Variants in SHISA9 observed in about 807,000 individuals in gnomAD.
SHISA9 encodes the protein shisa family member 9.
SHISA9 carries 13 observed loss-of-function variants against 38.0 expected under a neutral mutation model. The observed-to-expected ratio is 0.34, with a 90% CI of 0.22 to 0.54. The LOEUF (loss-of-function observed/expected upper bound fraction) is 0.54. SHISA9 is among the 20% of genes least tolerant of loss of function. SHISA9 has a pLI of 0.91. For synonymous variants in SHISA9, 275 were observed against 242.0 expected, an observed-to-expected ratio of 1.14 and a Z score of -1.27; for missense variants, 538 against 575.8, an observed-to-expected ratio of 0.93 and a Z score of 0.67.
intron 2 of SHISA9, among the ~76,000 whole-genome samples, chr16:13,011,091 T>G (rs865907596): frequency 4.6e-5 from 7 of 152,192 alleles, no homozygotes; most frequent in African/African-American, 1.7e-4. Context: ...CCAGAGAGAC[T>G]AAGAGCCTGT....
intron 2 of SHISA9, among the ~76,000 whole-genome samples, chr16:13,151,774 T>G (rs1223958418): frequency 6.6e-6 from 1 of 152,188 alleles, no homozygotes; most frequent in Non-Finnish European, 1.5e-5. Context: ...ACTTAATAGC[T>G]TTTATTACTA....
intron 2 of SHISA9, among the ~76,000 whole-genome samples, chr16:12,939,206 C>G (rs1484802152): frequency 1.3e-5 from 2 of 152,094 alleles, no homozygotes; most frequent in Admixed American, 1.3e-4. Context: ...GCCTTAGCCT[C>G]CTGAGTAGCT....
At chr16:13,312,439 G>A in the SHISA9 span, among the ~76,000 whole-genome samples, 55 of 152,142 alleles carry the variant, frequency 3.6e-4, no homozygotes, top group Non-Finnish European at 1.2e-4. Flanking sequence ...GACACTGAAT[G>A]ACGACTGCCT....
intron 2 of SHISA9, among the ~76,000 whole-genome samples, chr16:13,085,374 G>C (rs1364198240): frequency 6.6e-6 from 1 of 151,972 alleles, no homozygotes; most frequent in Non-Finnish European, 1.5e-5. Flanking sequence ...CTCCAACATA[G>C]ATATAGGTTC....
At chr16:13,064,877 G>T (rs563783857) in intron 2 of SHISA9, among the ~76,000 whole-genome samples, 1 of 152,216 alleles carries the variant, frequency 6.6e-6, no homozygotes, top group East Asian at 1.9e-4. Context: ...CAAGGGAGAG[G>T]GTGAGACACT....
At chr16:13,171,726 G>C (rs554899509) in intron 2 of SHISA9, among the ~76,000 whole-genome samples, 1 of 151,978 alleles carries the variant, frequency 6.6e-6, no homozygotes, top group African/African-American at 2.4e-5. Context: ...GTGGATGGGG[G>C]CTGTGTGGGC....
At chr16:12,999,891 G>T (rs2072503048) in intron 2 of SHISA9, among the ~76,000 whole-genome samples, 1 of 152,206 alleles carries the variant, frequency 6.6e-6, no homozygotes, top group Non-Finnish European at 1.5e-5. Context: ...GCCAGAACTA[G>T]TCACATGGCC....
chr16:13,109,694 G>A (rs1042730317), intron 2 of SHISA9, among the ~76,000 whole-genome samples: 2 of 152,034 alleles, frequency 1.3e-5, no homozygotes. Context: ...CTAACCTCAG[G>A]TAACCACTAA....
chr16:12,945,609 C>G (rs1351212909), intron 2 of SHISA9, among the ~76,000 whole-genome samples: 2 of 152,196 alleles, frequency 1.3e-5, no homozygotes, highest in Non-Finnish European at 2.9e-5. Context: ...AATTCAGACT[C>G]CACCACTTAC....
chr16:13,479,615 A>T, the SHISA9 span, among the ~76,000 whole-genome samples: 1 of 152,092 alleles, frequency 6.6e-6, no homozygotes, highest in Non-Finnish European at 1.5e-5. Flanking sequence ...TTCATTATTC[A>T]CCTGTTAACT....
At chr16:13,050,721 G>A (rs530988838) in intron 2 of SHISA9, among the ~76,000 whole-genome samples, 19 of 152,288 alleles carry the variant, frequency 1.2e-4, no homozygotes, top group African/African-American at 4.6e-4. Flanking sequence ...GGGAAGCCAG[G>A]CCATGGAAGA....
At chr16:13,281,434 A>G in the SHISA9 span, among the ~76,000 whole-genome samples, 1 of 151,790 alleles carries the variant, frequency 6.6e-6, no homozygotes, top group Admixed American at 6.6e-5. Context: ...TTCAGATAGT[A>G]TGATGACTTC....
At chr16:12,993,262 A>G (rs371734037) in intron 2 of SHISA9, among the ~76,000 whole-genome samples, 11 of 152,184 alleles carry the variant, frequency 7.2e-5, no homozygotes, top group East Asian at 5.8e-4. Context: ...GTTGTAAAGA[A>G]CAGGGCCATG....
the SHISA9 span, among the ~76,000 whole-genome samples, chr16:13,369,357 T>C: frequency 2.6e-5 from 4 of 152,126 alleles, no homozygotes; most frequent in South Asian, 2.1e-4. Context: ...GTCTAGGAGA[T>C]AGGAGTGTGG....
intron 2 of SHISA9, among the ~76,000 whole-genome samples, chr16:13,156,633 C>T (rs1048057277): frequency 2.0e-5 from 3 of 150,850 alleles, no homozygotes; most frequent in African/African-American, 4.9e-5. Context: ...ACTCAGGAGG[C>T]TGAGGCAGGA....
At chr16:13,423,910 A>G in the SHISA9 span, among the ~76,000 whole-genome samples, 1 of 152,204 alleles carries the variant, frequency 6.6e-6, no homozygotes, top group Non-Finnish European at 1.5e-5. Context: ...TATCAAGCCA[A>G]CAAGGACGCA....
chr16:13,175,229 A>G (rs921477361), intron 2 of SHISA9, among the ~76,000 whole-genome samples: 1 of 151,980 alleles, frequency 6.6e-6, no homozygotes, highest in African/African-American at 2.4e-5. Context: ...AAAAAAAAAG[A>G]AAAGAAAAAA....
intron 2 of SHISA9, among the ~76,000 whole-genome samples, chr16:13,101,884 A>G (rs1298743504): frequency 6.6e-6 from 1 of 152,236 alleles, no homozygotes; most frequent in African/African-American, 2.4e-5. Flanking sequence ...AATAAATAAA[A>G]TGGAGGAAAA....
chr16:13,488,869 C>T, the SHISA9 span, among the ~76,000 whole-genome samples: 11 of 152,228 alleles, frequency 7.2e-5, no homozygotes, highest in Non-Finnish European at 8.8e-5. Context: ...TCACGCCATT[C>T]TCCTGCCTCA....
Sources: gnomAD v4.1 joint callset for allele counts (sites outside exome capture counted in the v4.1 genomes callset) on GRCh38, gnomAD v4.1.1 for gene constraint, MANE v1.5 for transcripts, NCBI Gene and HGNC (gene_info 2026-07-23, HGNC 2026-07-21) for gene names.